Variants in CDYL observed in about 807,000 individuals in gnomAD.
CDYL encodes the protein chromodomain Y-like protein.
Under a neutral mutation model 47.3 loss-of-function variants are expected in CDYL, and 8 were observed. The ratio of observed to expected loss-of-function variants is 0.17; its 90% CI spans 0.10 to 0.31. The LOEUF is 0.31. Among genes scored for constraint, CDYL ranks in the 10% least tolerant of loss-of-function variants. The probability of loss-of-function intolerance (pLI) is 1.00; values close to 1 mark genes in which losing one functional copy is unlikely to be tolerated. For synonymous variants in CDYL, 266 were observed against 265.0 expected, an observed-to-expected ratio of 1.00 and a Z score of -0.04; for missense variants, 471 against 701.4, an observed-to-expected ratio of 0.67 and a Z score of 3.71.
intron 2 of CDYL, among the ~76,000 whole-genome samples, 185 bp downstream of exon 2, chr6:4,892,564 T>TCTTAATTACAC: frequency 6.6e-6 from 1 of 152,350 alleles, no homozygotes; most frequent in South Asian, 2.1e-4. Context: ...ATTCGGCAAC[T>TCTTAATTACAC]AGTTTTTTCT....
chr6:4,808,591 A>C (rs1759436910), intron 1 of CDYL, among the ~76,000 whole-genome samples: 1 of 152,186 alleles, frequency 6.6e-6, no homozygotes. Context: ...TGTTTTTGTA[A>C]ATAAAGTTTT....
intron 1 of CDYL, among the ~76,000 whole-genome samples, chr6:4,835,412 G>T (rs1165555262): frequency 6.6e-6 from 1 of 152,220 alleles, no homozygotes; most frequent in Non-Finnish European, 1.5e-5. Flanking sequence ...GAATGCTGCT[G>T]TCTGATCGTT....
chr6:4,946,379 A>G (rs1758516216), intron 5 of CDYL, among the ~76,000 whole-genome samples: 1 of 152,146 alleles, frequency 6.6e-6, no homozygotes, highest in Non-Finnish European at 1.5e-5. Flanking sequence ...GACCAGGTGC[A>G]TCTGCCCCCA....
intron 1 of CDYL, among the ~76,000 whole-genome samples, chr6:4,798,172 C>T (rs1037014532): frequency 2.0e-5 from 3 of 152,004 alleles, no homozygotes; most frequent in Non-Finnish European, 2.9e-5. Context: ...GGAGTTTCAC[C>T]GTGTTTCCCT....
intron 2 of CDYL, chr6:4,724,500 C>T (rs1757452621): frequency 6.5e-6 from 1 of 152,712 alleles, no homozygotes; most frequent in Admixed American, 6.5e-5. Flanking sequence ...CTTGGTCTCA[C>T]TGACTTCAAA....
chr6:4,727,707 C>A (rs1468612565), intron 2 of CDYL, among the ~76,000 whole-genome samples: 1 of 151,412 alleles, frequency 6.6e-6, no homozygotes, highest in Non-Finnish European at 1.5e-5. Context: ...CCCTGACAAA[C>A]CGCTTCCAGC....
chr6:4,869,199 G>A (rs981693363), intron 1 of CDYL, among the ~76,000 whole-genome samples: 1 of 151,842 alleles, frequency 6.6e-6, no homozygotes, highest in South Asian at 2.1e-4. Flanking sequence ...GGGTTCAAGC[G>A]ATTCTCCTGT....
At chr6:4,833,536 A>G (rs1286596390) in intron 1 of CDYL, among the ~76,000 whole-genome samples, 4 of 148,106 alleles carry the variant, frequency 2.7e-5, no homozygotes, top group East Asian at 2.0e-4. Flanking sequence ...GTGCTGAAAA[A>G]AATGTATATT....
At chr6:4,783,242 GT>G (rs1758664177) in intron 1 of CDYL, among the ~76,000 whole-genome samples, 1 of 146,606 alleles carries the variant, frequency 6.8e-6, no homozygotes, top group Non-Finnish European at 1.5e-5. Flanking sequence ...GGATGGAAAA[GT>G]TTCTAGGTTT....
In CDYL at chr6:4,894,902, C is replaced by T. The variant is rs573561595; in HGVS notation, c.691+2523C>T. The stretch of plus-strand genomic sequence containing the variant: ...GTGTATGTGTGTGTATATATACACA[C>T]GTACGTGTGTATATATACACATATG... On this transcript the variant is annotated intron_variant, in intron 2 of 6. Coordinates refer to ENST00000397588, the MANE Select transcript of CDYL (RefSeq NM_004824.4). 8.8e-3 allele frequency among the ~76,000 whole-genome samples: 1,220 copies of T among 138,596 alleles called. 15 individuals are homozygous for T. Among genetic ancestry groups the T allele is most frequent in the African/African-American group, 0.034 (1,103 of 32,772 alleles). 90.9% of individuals were successfully genotyped at this position (138,596 alleles called of 152,430 possible).
intron 2 of CDYL, among the ~76,000 whole-genome samples, chr6:4,915,481 T>C (rs1401590617): frequency 1.3e-5 from 2 of 152,152 alleles, no homozygotes; most frequent in African/African-American, 4.8e-5. Context: ...GTTCAGGCCA[T>C]AATGTGGGGG....
intron 1 of CDYL, among the ~76,000 whole-genome samples, chr6:4,835,443 G>A (rs1277303409): frequency 6.6e-6 from 1 of 152,204 alleles, no homozygotes; most frequent in Non-Finnish European, 1.5e-5. Flanking sequence ...TTTTGTCTCA[G>A]AGGAGTACCC....
intron 3 of CDYL, among the ~76,000 whole-genome samples, chr6:4,768,065 T>C (rs1388546668): frequency 6.6e-6 from 1 of 152,240 alleles, no homozygotes; most frequent in African/African-American, 2.4e-5. Flanking sequence ...CCCTTCCTGT[T>C]GTCTGCATTC....
At chr6:4,744,726 G>T (rs560646857) in intron 3 of CDYL, among the ~76,000 whole-genome samples, 3 of 152,308 alleles carry the variant, frequency 2.0e-5, no homozygotes, top group Admixed American at 1.3e-4. Flanking sequence ...ACGGCTTAAA[G>T]AGGTTAATTT....
intron 2 of CDYL, among the ~76,000 whole-genome samples, chr6:4,894,934 T>TGTATATGTGA (rs1432661648): frequency 1.7e-4 from 3 of 17,428 alleles, no homozygotes; most frequent in East Asian, 0.023. Flanking sequence ...TATGTATGTG[T>TGTATATGTGA]GTATATGTGT....
At chr6:4,903,593 C>T (rs766303441) in intron 2 of CDYL, among the ~76,000 whole-genome samples, 3 of 152,122 alleles carry the variant, frequency 2.0e-5, no homozygotes, top group Non-Finnish European at 2.9e-5. Flanking sequence ...GGCTTGGGTG[C>T]CGGAGGGAGG....
chr6:4,722,792 G>T (rs1757395836), intron 2 of CDYL, among the ~76,000 whole-genome samples: 1 of 152,130 alleles, frequency 6.6e-6, no homozygotes, highest in Non-Finnish European at 1.5e-5. Context: ...CATGACAATT[G>T]CTTGAACCCA....
chr6:4,830,868 C>G (rs554173425), intron 1 of CDYL, among the ~76,000 whole-genome samples: 1 of 151,124 alleles, frequency 6.6e-6, no homozygotes, highest in African/African-American at 2.4e-5. Flanking sequence ...GTTTTTTGTT[C>G]TTGCGATAGT....
At position 4,857,485 on chromosome 6, in the gene CDYL, ACT is replaced by A. The variant is rs747999694; in HGVS notation, c.25-34225_25-34224del. 7.2e-5 allele frequency among the ~76,000 whole-genome samples: 11 copies of A among 152,078 alleles called. No individual in the cohort carries two copies. In the East Asian group the frequency reaches 1.7e-3, roughly 24 times the overall value. ...AATAAGTCTAAGAGACTCTTACTAGACTCTGCCTTTTTCTGGTAACTCACCCT... is the reference window on the plus strand; with the variant it reads ...AATAAGTCTAAGAGACTCTTACTAGACTGCCTTTTTCTGGTAACTCACCCT... On this transcript the variant is annotated intron_variant, in intron 1 of 6. Transcript: ENST00000397588.
Sources: allele counts gnomAD v4.1 joint callset (sites outside exome capture counted in the v4.1 genomes callset), GRCh38; gene constraint gnomAD v4.1.1; transcripts MANE v1.5; gene names NCBI Gene and HGNC (gene_info 2026-07-23, HGNC 2026-07-21).